The following PCDH9 variants were observed in gnomAD, a reference collection of about 807,000 sequenced individuals.
PCDH9 encodes protocadherin 9.
PCDH9 carries 24 observed loss-of-function variants against 70.6 expected under a neutral mutation model. The ratio of observed to expected loss-of-function variants is 0.34; its 90% CI spans 0.25 to 0.48. The LOEUF is 0.48. PCDH9 is among the 20% of genes least tolerant of loss of function. The pLI is 0.99. For missense variants in PCDH9, 1,281 were observed against 1,503.6 expected (o/e 0.85, Z 2.45); for synonymous variants, 562 against 558.5 (o/e 1.01, Z -0.09).
intron 3 of PCDH9, among the ~76,000 whole-genome samples, chr13:66,656,615 A>C (rs533035103): frequency 7.5e-5 from 11 of 146,192 alleles, no homozygotes; most frequent in Non-Finnish European, 1.5e-4. Flanking sequence ...GCTTAAGAGC[A>C]CTGGGGGCCT....
chr13:66,434,704 T>C (rs1245630559), intron 4 of PCDH9, among the ~76,000 whole-genome samples: 3 of 152,086 alleles, frequency 2.0e-5, no homozygotes, highest in African/African-American at 4.8e-5. Flanking sequence ...CTGAAAATTA[T>C]GTTCAAGCAC....
At chr13:67,159,145 T>C (rs1419447062) in intron 2 of PCDH9, among the ~76,000 whole-genome samples, 1 of 152,132 alleles carries the variant, frequency 6.6e-6, no homozygotes, top group Non-Finnish European at 1.5e-5. Flanking sequence ...CAACTGGATA[T>C]TGTTGGCAAG....
intron 3 of PCDH9, among the ~76,000 whole-genome samples, chr13:66,752,183 GAGTA>G (rs1242742737): frequency 6.6e-6 from 1 of 152,182 alleles, no homozygotes; most frequent in Non-Finnish European, 1.5e-5. Flanking sequence ...GGCTGGAATA[GAGTA>G]AGTAAGAAAG....
At chr13:67,083,825 C>T (rs559312488) in intron 2 of PCDH9, among the ~76,000 whole-genome samples, 1 of 152,242 alleles carries the variant, frequency 6.6e-6, no homozygotes, top group South Asian at 2.1e-4. Flanking sequence ...GTCCTGGGAA[C>T]ACTCATTTTG....
chr13:67,218,496 G>A (rs1310422340), intron 2 of PCDH9: 1 of 152,184 alleles, frequency 6.6e-6, no homozygotes, highest in East Asian at 1.9e-4. Flanking sequence ...GGATTAGAGT[G>A]TTTCTTAATC....
At chr13:66,340,545 C>A (rs1356034292) in intron 4 of PCDH9, among the ~76,000 whole-genome samples, 2 of 152,174 alleles carry the variant, frequency 1.3e-5, no homozygotes. Context: ...CAGCTAAACC[C>A]TCTCAAAGAT....
At chr13:66,415,601 T>G (rs1243687592) in intron 4 of PCDH9, among the ~76,000 whole-genome samples, 1 of 152,216 alleles carries the variant, frequency 6.6e-6, no homozygotes, top group South Asian at 2.1e-4. Context: ...CATTCCCTTA[T>G]CCTTCTCTGT....
intron 4 of PCDH9, among the ~76,000 whole-genome samples, chr13:66,504,098 C>T (rs1424095831): frequency 2.6e-5 from 4 of 152,132 alleles, no homozygotes; most frequent in Admixed American, 6.6e-5. Flanking sequence ...CCTGCCTCTC[C>T]CAGCTGAGTC....
intron 2 of PCDH9, among the ~76,000 whole-genome samples, chr13:66,972,124 C>T (rs181168539): frequency 2.6e-5 from 4 of 152,006 alleles, no homozygotes; most frequent in African/African-American, 9.6e-5. Flanking sequence ...TAGAAAGCTC[C>T]ACCTGAATGT....
intron 3 of PCDH9, among the ~76,000 whole-genome samples, chr13:66,658,916 A>C (rs185234850): frequency 1.4e-4 from 21 of 152,296 alleles, no homozygotes; most frequent in African/African-American, 4.1e-4. Flanking sequence ...TGACTTAAGA[A>C]TTAGTGTCTT....
intron 3 of PCDH9, among the ~76,000 whole-genome samples, chr13:66,664,092 A>G (rs2078059087): frequency 6.6e-6 from 1 of 152,218 alleles, no homozygotes; most frequent in African/African-American, 2.4e-5. Flanking sequence ...TTTGCCACAT[A>G]CAAAGTGTGA....
chr13:66,338,882 G>GA (rs34291752), intron 4 of PCDH9, among the ~76,000 whole-genome samples: 142,147 of 150,454 alleles, frequency 0.94, 67,459 homozygotes, highest in South Asian at 0.99. Flanking sequence ...TGGTAGAAGA[G>GA]AAAAAAAAAG....
chr13:67,178,926 C>A (rs1488645873), intron 2 of PCDH9, among the ~76,000 whole-genome samples: 1 of 152,126 alleles, frequency 6.6e-6, no homozygotes, highest in East Asian at 1.9e-4. Context: ...ACTCTTGATA[C>A]CCTATACTTA....
At chr13:67,057,048 C>T (rs115068893) in intron 2 of PCDH9, among the ~76,000 whole-genome samples, 1,985 of 152,154 alleles carry the variant, frequency 0.013, 34 homozygotes, top group African/African-American at 0.044. Flanking sequence ...TAGATTATAA[C>T]TATGATTTGA....
intron 3 of PCDH9, among the ~76,000 whole-genome samples, chr13:66,647,128 G>A (rs1199190551): frequency 6.6e-6 from 1 of 152,118 alleles, no homozygotes; most frequent in African/African-American, 2.4e-5. Context: ...CACAGGGACT[G>A]CAATTCCTAA....
At chr13:67,171,404 C>CT (rs1359377440) in intron 2 of PCDH9, among the ~76,000 whole-genome samples, 40 of 152,128 alleles carry the variant, frequency 2.6e-4, no homozygotes, top group Admixed American at 2.5e-3. Flanking sequence ...TGTCACCAAT[C>CT]ATTAACCCTC....
At chr13:66,856,651 C>T (rs931868350) in intron 3 of PCDH9, among the ~76,000 whole-genome samples, 2 of 151,980 alleles carry the variant, frequency 1.3e-5, no homozygotes, top group Non-Finnish European at 2.9e-5. Flanking sequence ...TTGATTAGCA[C>T]TATTGCCAGA....
chr13:67,073,649 A>G lies in PCDH9; in HGVS notation c.3036+151756T>C, dbSNP rs373334840. Among the ~76,000 whole-genome samples, 26 of 152,090 alleles carry G rather than the reference A, an allele frequency of 1.7e-4. 1 individual carries two copies. The highest frequency in any genetic ancestry group is 1.4e-3 in the East Asian group (7 of 5,184). Reference sequence around the variant, plus strand: ...CAAAATCTCAAAATTTTGAAGATCTAAAACTTTTGAGGATTTTTTGAAGCT... The same window carrying G: ...CAAAATCTCAAAATTTTGAAGATCTGAAACTTTTGAGGATTTTTTGAAGCT... On this transcript the variant is annotated intron_variant, in intron 2 of 4. Transcript: ENST00000377865.
chr13:66,791,286 TATG>T (rs1311918593), intron 3 of PCDH9, among the ~76,000 whole-genome samples: 1 of 152,110 alleles, frequency 6.6e-6, no homozygotes, highest in African/African-American at 2.4e-5. Flanking sequence ...TATTTGAACT[TATG>T]ATGAAATTTT....
Sources: gnomAD v4.1 joint callset for allele counts (sites outside exome capture counted in the v4.1 genomes callset) on GRCh38, gnomAD v4.1.1 for gene constraint, MANE v1.5 for transcripts, NCBI Gene and HGNC (gene_info 2026-07-23, HGNC 2026-07-21) for gene names.